The following DISP1 variants were observed in gnomAD, a reference collection of about 807,000 sequenced individuals.
DISP1 encodes the protein dispatched RND transporter family member 1.
In DISP1, 30 loss-of-function variants were observed where a neutral mutation model predicts 37.3. That is an observed-to-expected ratio of 0.80 (90% CI 0.60 to 1.09). DISP1 has a LOEUF of 1.09. Ranked by LOEUF, DISP1 falls within the 50% of genes least tolerant of loss-of-function variation. DISP1 has a pLI of 0.00. For missense variants in DISP1, 1,598 were observed against 1,879.5 expected (o/e 0.85, Z 2.77); for synonymous variants, 634 against 690.2 (o/e 0.92, Z 1.28).
intron 3 of DISP1, among the ~76,000 whole-genome samples, chr1:222,970,508 G>A (rs990425980): frequency 6.6e-6 from 1 of 152,080 alleles, no homozygotes; most frequent in Admixed American, 6.6e-5. Context: ...TTGATTACAG[G>A]AACCTGGCTC....
At chr1:222,818,300 T>A (rs933923372) in intron 1 of DISP1, among the ~76,000 whole-genome samples, 1 of 152,176 alleles carries the variant, frequency 6.6e-6, no homozygotes, top group Non-Finnish European at 1.5e-5. Flanking sequence ...TAGTTGTTAT[T>A]ATAGTTTTTG....
At chr1:222,959,693 T>A (rs1572627792) in intron 3 of DISP1, among the ~76,000 whole-genome samples, 1 of 79,554 alleles carries the variant, frequency 1.3e-5, no homozygotes, top group Non-Finnish European at 2.5e-5. Context: ...AGAGCAAAAC[T>A]CTGTCTCAAA....
chr1:222,992,186 C>A, intron 7 of DISP1, 76 bp downstream of exon 7: 1 of 1,178,584 alleles, frequency 8.5e-7, no homozygotes, highest in Non-Finnish European at 1.3e-6. Flanking sequence ...ACAGTCTAGA[C>A]TGATAGCCGT....
At chr1:222,996,775 CT>C (rs1164497472) in intron 8 of DISP1, among the ~76,000 whole-genome samples, 2 of 152,184 alleles carry the variant, frequency 1.3e-5, no homozygotes, top group Non-Finnish European at 2.9e-5. Flanking sequence ...CAGCGTCTGC[CT>C]TTACCCACCC....
At chr1:222,964,566 A>G (rs1283802118) in intron 3 of DISP1, among the ~76,000 whole-genome samples, 2 of 152,202 alleles carry the variant, frequency 1.3e-5, no homozygotes, top group Non-Finnish European at 2.9e-5. Flanking sequence ...CTGAAATCAC[A>G]TGGATCACAC....
At chr1:222,979,788 G>T in intron 3 of DISP1, 1 of 366,872 alleles carries the variant, frequency 2.7e-6, no homozygotes, top group Non-Finnish European at 5.8e-6. Context: ...GAGCGCTGCA[G>T]GTCAGGAGGC....
intron 3 of DISP1, among the ~76,000 whole-genome samples, chr1:222,944,687 A>G (rs1558346932): frequency 1.3e-5 from 2 of 152,186 alleles, no homozygotes; most frequent in Non-Finnish European, 2.9e-5. Context: ...TTCTATTACT[A>G]TAGATTTGTT....
intron 1 of DISP1, among the ~76,000 whole-genome samples, chr1:222,836,762 T>TAC (rs545136268): frequency 0.033 from 4,924 of 147,454 alleles, 234 homozygotes; most frequent in African/African-American, 0.11. Flanking sequence ...TATATATATA[T>TAC]ACACACACAC....
intron 1 of DISP1, among the ~76,000 whole-genome samples, chr1:222,896,083 G>T (rs1671240560): frequency 1.3e-5 from 2 of 152,062 alleles, no homozygotes; most frequent in South Asian, 4.1e-4. Flanking sequence ...GTCCAGGTGG[G>T]AGGATAGCTT....
At position 223,005,934 on chromosome 1, in the gene DISP1, G is replaced by A. The variant is rs945356440; in HGVS notation, c.4537G>A (p.Glu1513Lys). ...TGTGCCTGCTGTATTAACACACTCGGAACTTTCTGGTGAAAGTTTGTTAAT... is the reference window on the plus strand; with the variant it reads ...TGTGCCTGCTGTATTAACACACTCGAAACTTTCTGGTGAAAGTTTGTTAAT... ...ANVPAVLTHS[E>K]LSGESLLIKT... Residue 1513 changes from glutamate to lysine, a missense_variant, in exon 9 of 9, where the codon GAA becomes AAA. Coordinates refer to ENST00000675850, the MANE Select transcript of DISP1 (RefSeq NM_001377229.1). The A allele has an allele frequency of 7.4e-6, 12 of 1,614,004 alleles. No individual in the cohort carries two copies. The highest frequency in any genetic ancestry group is 2.2e-5 in the East Asian group (1 of 44,880).
intron 1 of DISP1, among the ~76,000 whole-genome samples, chr1:222,818,563 C>T (rs184884763): frequency 6.6e-6 from 1 of 152,320 alleles, no homozygotes; most frequent in Admixed American, 6.5e-5. Context: ...GAAATTGGCT[C>T]ATGCAGTTGT....
At position 222,933,374 on chromosome 1, in the gene DISP1, G is replaced by A. The variant is rs146095425; in HGVS notation, c.-18+4804G>A. Among the ~76,000 whole-genome samples the A allele has an allele frequency of 2.3e-4, 35 of 151,864 alleles. 1 individual carries two copies. In the East Asian group the frequency reaches 4.2e-3, roughly 18 times the overall value. On this transcript the variant is annotated intron_variant, in intron 2 of 8. Transcript: ENST00000675850. ...TAGAGGTTATCTAAAAATGTTAGGCGTATTTCATTTTCAAAGGTGGTGCTT... is the reference window on the plus strand; with the variant it reads ...TAGAGGTTATCTAAAAATGTTAGGCATATTTCATTTTCAAAGGTGGTGCTT...
At chr1:222,961,292 C>T (rs1289300999) in intron 3 of DISP1, among the ~76,000 whole-genome samples, 1 of 152,186 alleles carries the variant, frequency 6.6e-6, no homozygotes, top group Non-Finnish European at 1.5e-5. Context: ...AGCTTCATAC[C>T]CAGGATGCAA....
At chr1:222,983,725 C>A (rs377587531) in intron 4 of DISP1, among the ~76,000 whole-genome samples, 1 of 152,208 alleles carries the variant, frequency 6.6e-6, no homozygotes, top group Non-Finnish European at 1.5e-5. Flanking sequence ...GTTCTGCCAA[C>A]TACCATGACT....
intron 3 of DISP1, among the ~76,000 whole-genome samples, chr1:222,944,162 A>G (rs766158516): frequency 6.6e-6 from 1 of 152,200 alleles, no homozygotes; most frequent in Non-Finnish European, 1.5e-5. Context: ...GAAAGTAGCA[A>G]TTCCCTTCAT....
Position 222,994,890 on chromosome 1 carries a change from C to T in DISP1, c.895C>T (p.Arg299Ter), listed in dbSNP as rs773799838. 12 of 1,607,680 alleles carry T rather than the reference C, an allele frequency of 7.5e-6. No individual in the cohort carries two copies. Among genetic ancestry groups the T allele is most frequent in the African/African-American group, 1.3e-5 (1 of 74,486 alleles). Residue 299 changes from arginine to a stop codon, truncating the protein, a stop_gained, in exon 8 of 9, where the codon CGA becomes TGA. Transcript: ENST00000675850. LOFTEE classifies it high-confidence loss of function. ...TTTTTTTTTCATATCACCAGGTGACCGATATTCCAGAGTGGTATTTACTTC... is the reference window on the plus strand; with the variant it reads ...TTTTTTTTTCATATCACCAGGTGACTGATATTCCAGAGTGGTATTTACTTC... ...DSFFCDVPSD[R>*]YSRVVFTSSG... is the part of the protein sequence containing the mutation.
chr1:222,824,536 A>G (rs1016418027), intron 1 of DISP1, among the ~76,000 whole-genome samples: 9 of 151,740 alleles, frequency 5.9e-5, no homozygotes, highest in African/African-American at 2.2e-4. Context: ...TTGATTCTAC[A>G]TTTTTTTGTA....
chr1:222,895,079 G>C (rs1364019396), intron 1 of DISP1, among the ~76,000 whole-genome samples: 8 of 152,158 alleles, frequency 5.3e-5, no homozygotes, highest in Non-Finnish European at 1.5e-5. Flanking sequence ...TAGAAATACA[G>C]ATGCATTTGA....
intron 7 of DISP1, among the ~76,000 whole-genome samples, chr1:222,992,864 AT>A (rs71178523): frequency 1.7e-5 from 2 of 118,594 alleles, no homozygotes; most frequent in African/African-American, 3.1e-5. Context: ...AAAACCCAGA[AT>A]TTTTTTTTTT....
Sources: gnomAD v4.1 joint callset for allele counts (sites outside exome capture counted in the v4.1 genomes callset) on GRCh38, gnomAD v4.1.1 for gene constraint, MANE v1.5 for transcripts, NCBI Gene and HGNC (gene_info 2026-07-23, HGNC 2026-07-21) for gene names.